Variants in RGS6 observed in about 807,000 individuals in gnomAD.
RGS6 encodes the protein regulator of G-protein signaling 6.
Under a neutral mutation model 78.5 loss-of-function variants are expected in RGS6, and 30 were observed. The ratio of observed to expected loss-of-function variants is 0.38; its 90% confidence interval spans 0.29 to 0.52. RGS6 has a LOEUF of 0.52. Ranked by LOEUF, RGS6 falls within the 20% of genes least tolerant of loss-of-function variation. The pLI is 0.85. For synonymous variants in RGS6, 206 were observed against 206.0 expected (o/e 1.00, Z 0.00); for missense variants, 495 against 609.7 (o/e 0.81, Z 1.98).
chr14:72,028,771 A>G (rs546280146), intron 2 of RGS6, among the ~76,000 whole-genome samples: 20 of 152,172 alleles, frequency 1.3e-4, no homozygotes, highest in Admixed American at 2.6e-4. Context: ...AAATTTTTAG[A>G]AGCTGTAGTT....
intron 12 of RGS6, among the ~76,000 whole-genome samples, chr14:72,481,006 G>A (rs933566856): frequency 2.0e-5 from 3 of 152,156 alleles, no homozygotes; most frequent in African/African-American, 4.8e-5. Context: ...GAGGGAAAAA[G>A]GGAACTTTGC....
chr14:72,530,259 C>T (rs946024738), intron 15 of RGS6, among the ~76,000 whole-genome samples: 2 of 152,314 alleles, frequency 1.3e-5, no homozygotes, highest in African/African-American at 2.4e-5. Flanking sequence ...GGAGAGGTTC[C>T]AGGCACTATG....
At chr14:72,386,116 G>A (rs2087896147) in intron 3 of RGS6, among the ~76,000 whole-genome samples, 1 of 152,170 alleles carries the variant, frequency 6.6e-6, no homozygotes, top group Non-Finnish European at 1.5e-5. Flanking sequence ...AGTGTCATGG[G>A]CAGCAAAGGT....
At chr14:72,380,690 C>T (rs2085846314) in intron 3 of RGS6, among the ~76,000 whole-genome samples, 1 of 151,898 alleles carries the variant, frequency 6.6e-6, no homozygotes, top group African/African-American at 2.4e-5. Context: ...GGCAAGAATG[C>T]AGAGAAAAGG....
Position 72,221,848 on chromosome 14 carries a change from C to G in RGS6, c.85-130247C>G, listed in dbSNP as rs567824542. On this transcript the variant is annotated intron_variant, in intron 2 of 17. Transcript: ENST00000553525. Reference sequence around the variant, plus strand: ...GCTAGTTGGCTTAGGCCAGTAGGGCCCTCCCTGGGAGCTGGGGTCAATCCC... The same window carrying G: ...GCTAGTTGGCTTAGGCCAGTAGGGCGCTCCCTGGGAGCTGGGGTCAATCCC... 4.6e-5 allele frequency among the ~76,000 whole-genome samples: 7 copies of G among 152,254 alleles called. No homozygotes were observed. In the South Asian group the frequency reaches 1.2e-3, roughly 27 times the overall value.
intron 15 of RGS6, among the ~76,000 whole-genome samples, chr14:72,532,303 C>T (rs1244659330): frequency 6.6e-6 from 1 of 152,134 alleles, no homozygotes; most frequent in East Asian, 1.9e-4. Context: ...CAACTGCACC[C>T]GTATAAGACA....
At chr14:71,974,164 G>A (rs1269570221) in intron 2 of RGS6, among the ~76,000 whole-genome samples, 2 of 151,986 alleles carry the variant, frequency 1.3e-5, no homozygotes, top group Admixed American at 6.6e-5. Flanking sequence ...GAACCTGAAT[G>A]GCTGTAAATT....
At chr14:72,113,072 A>ACACACGCATG (rs1555490330) in intron 2 of RGS6, among the ~76,000 whole-genome samples, 1 of 113,934 alleles carries the variant, frequency 8.8e-6, no homozygotes, top group African/African-American at 2.8e-5. Context: ...TTACACACAC[A>ACACACGCATG]CACACGCATG....
the RGS6 span, chr14:72,619,996 C>T: frequency 2.0e-6 from 3 of 1,532,448 alleles, no homozygotes; most frequent in Admixed American, 2.0e-5. Context: ...TGGTGGAACA[C>T]AGAGTAAGCA....
At position 71,950,505 on chromosome 14, in the gene RGS6, G is replaced by A. The variant is rs142800441; in HGVS notation, c.-20-14267G>A. Among the ~76,000 whole-genome samples the A allele has an allele frequency of 6.9e-4, 105 of 152,222 alleles. No individual in the cohort carries two copies. In the East Asian group the frequency reaches 0.018, roughly 27 times the overall value. On this transcript the variant is annotated intron_variant, in intron 1 of 17. Coordinates refer to ENST00000553525, the MANE Select transcript of RGS6 (RefSeq NM_001204424.2). ...TCTAGGCAATACCATTCAGGACATA[G>A]GCACAGGCAAAGATTTCATGACAAA...
At chr14:71,968,152 A>G (rs2093625106) in intron 2 of RGS6, among the ~76,000 whole-genome samples, 1 of 152,188 alleles carries the variant, frequency 6.6e-6, no homozygotes, top group Admixed American at 6.5e-5. Context: ...TATCCTTAGG[A>G]TCCTGAGTTA....
At chr14:72,162,561 G>C (rs111636212) in intron 2 of RGS6, among the ~76,000 whole-genome samples, 2 of 152,158 alleles carry the variant, frequency 1.3e-5, no homozygotes, top group African/African-American at 4.8e-5. Context: ...GCAACTGTAA[G>C]ACAGCGATGT....
intron 1 of RGS6, among the ~76,000 whole-genome samples, chr14:71,953,104 A>G (rs2238284): frequency 2.0e-5 from 3 of 151,992 alleles, no homozygotes; most frequent in African/African-American, 4.8e-5. Context: ...CTTGGAACCC[A>G]TACTTAACAA....
At chr14:72,283,177 A>G (rs1180374926) in intron 2 of RGS6, among the ~76,000 whole-genome samples, 1 of 152,166 alleles carries the variant, frequency 6.6e-6, no homozygotes, top group African/African-American at 2.4e-5. Context: ...TCATCCATCA[A>G]TGAGACACTT....
At chr14:71,901,659 T>G in the RGS6 span, among the ~76,000 whole-genome samples, 1 of 152,332 alleles carries the variant, frequency 6.6e-6, no homozygotes, top group East Asian at 1.9e-4. Context: ...GTTATTTGAC[T>G]CCTTCAAAGC....
intron 6 of RGS6, among the ~76,000 whole-genome samples, chr14:72,460,778 G>A (rs1476662483): frequency 1.3e-5 from 2 of 152,140 alleles, no homozygotes; most frequent in Non-Finnish European, 2.9e-5. Flanking sequence ...TGCAGCTGTG[G>A]TGAGTGGGAG....
the RGS6 span, chr14:72,612,643 A>G: frequency 1.9e-6 from 1 of 518,388 alleles, no homozygotes; most frequent in Non-Finnish European, 3.9e-6. Flanking sequence ...GGGAGTAGAC[A>G]TGGAAGGGCA....
chr14:72,222,232 C>T (rs891412708), intron 2 of RGS6, among the ~76,000 whole-genome samples: 5 of 152,206 alleles, frequency 3.3e-5, no homozygotes, highest in African/African-American at 1.2e-4. Flanking sequence ...CCTGTGATGA[C>T]AAGCCAGGTC....
chr14:72,375,215 C>G (rs773674917), intron 3 of RGS6, among the ~76,000 whole-genome samples: 1 of 152,034 alleles, frequency 6.6e-6, no homozygotes, highest in Non-Finnish European at 1.5e-5. Context: ...TTATTTCCTT[C>G]CAAATTTAAA....
Sources: allele counts gnomAD v4.1 joint callset (sites outside exome capture counted in the v4.1 genomes callset), GRCh38; gene constraint gnomAD v4.1.1; transcripts MANE v1.5; gene names NCBI Gene and HGNC (gene_info 2026-07-23, HGNC 2026-07-21).